Variants in SFT2D2 observed in about 807,000 individuals in gnomAD.
SFT2D2 encodes the protein vesicle transport protein SFT2B.
Under a neutral mutation model 27.4 loss-of-function variants are expected in SFT2D2, and 21 were observed. The ratio of observed to expected loss-of-function variants is 0.77; its 90% CI spans 0.54 to 1.10. The LOEUF is 1.10. Among genes scored for constraint, SFT2D2 ranks in the 50% least tolerant of loss-of-function variants. The pLI is 0.00. For missense variants in SFT2D2, 187 were observed against 194.2 expected (o/e 0.96, Z 0.22); for synonymous variants, 72 against 71.7 (o/e 1.00, Z -0.02).
In SFT2D2 at chr1:168,246,337, G is replaced by T; in HGVS notation, c.*3797G>T. 2.2e-6 allele frequency: 1 copy of T among 462,554 alleles called. No homozygotes were observed. The highest frequency in any genetic ancestry group is 2.1e-5 in the South Asian group (1 of 48,046). The allele number at this position is 462,554 out of a possible 1,614,324, so 28.7% of individuals were successfully genotyped here. Reference sequence around the variant, plus strand: ...AGTTGCTGTTGAAGCAACATATTTTGTCTTCGTAGTTGACATAATCTTACT... The same window carrying T: ...AGTTGCTGTTGAAGCAACATATTTTTTCTTCGTAGTTGACATAATCTTACT... On this transcript the variant is annotated 3_prime_UTR_variant, in exon 8 of 8. Transcript: ENST00000271375.
rs187072052 is a variant in SFT2D2, at chr1:168,227,872, C to G, written c.63+1730C>G. Among the ~76,000 whole-genome samples, 144 of 152,240 alleles carry G rather than the reference C, an allele frequency of 9.5e-4. 1 individual carries two copies. The highest frequency in any genetic ancestry group is 3.4e-3 in the African/African-American group (143 of 41,538). Reference sequence around the variant, plus strand: ...GATATTATTGTCTCGAAAATCATCACGAAGCAGTGGGCTGACCCTCAACAG... The same window carrying G: ...GATATTATTGTCTCGAAAATCATCAGGAAGCAGTGGGCTGACCCTCAACAG... On this transcript the variant is annotated intron_variant, in intron 1 of 7. Transcript: ENST00000271375.
rs569589263 is a variant in SFT2D2 at position 168,252,520 on chromosome 1, T to A, written c.*9980T>A. 2 of 152,328 alleles carry A rather than the reference T, an allele frequency of 1.3e-5. No individual in the cohort carries two copies. Among genetic ancestry groups the A allele is most frequent in the South Asian group, 2.1e-4 (1 of 4,832 alleles). The allele number at this position is 152,328 out of a possible 1,614,324, so 9.4% of individuals were successfully genotyped here. ...AGGGAGAGCTATGGTTTACATTCAA[T>A]TTTTTGGTCTTTCTGCTATGAAACG... On this transcript the variant is annotated 3_prime_UTR_variant, in exon 8 of 8. Coordinates refer to ENST00000271375, the MANE Select transcript of SFT2D2 (RefSeq NM_199344.3).
At chr1:168,240,781 G>T (rs138885600) in intron 7 of SFT2D2, among the ~76,000 whole-genome samples, 1 of 151,954 alleles carries the variant, frequency 6.6e-6, no homozygotes, top group Admixed American at 6.6e-5. Context: ...GCGTGGTGGC[G>T]TGCACCTGTA....
Position 168,235,043 on chromosome 1 carries a change from CAG to C in SFT2D2, c.237-57_237-56del, listed in dbSNP as rs1347550576. 4.8e-6 allele frequency: 7 copies of C among 1,464,016 alleles called. No individual in the cohort carries two copies. The African/African-American group carries it at 9.8e-5, about 20-fold the overall frequency. 90.7% of individuals were successfully genotyped at this position (1,464,016 alleles called of 1,614,324 possible). ...CACAGGAAATCTTGGGGAGGCGACTCAGTGTGCCTAGTGCAGTTCTGTTCTGA... is the reference window on the plus strand; with the variant it reads ...CACAGGAAATCTTGGGGAGGCGACTCTGTGCCTAGTGCAGTTCTGTTCTGA... On this transcript the variant is annotated intron_variant, in intron 3 of 7. Transcript: ENST00000271375.
At chr1:168,231,947 A>G (rs1033622405) in intron 3 of SFT2D2, 28 bp downstream of exon 3, 6 of 1,597,316 alleles carry the variant, frequency 3.8e-6, no homozygotes, top group African/African-American at 1.3e-5. Flanking sequence ...ATCCAATTTT[A>G]GCCAATCATT....
At chr1:168,236,101 CAGAA>C (rs1416063509) in intron 4 of SFT2D2, among the ~76,000 whole-genome samples, 2 of 152,198 alleles carry the variant, frequency 1.3e-5, no homozygotes, top group Non-Finnish European at 2.9e-5. Context: ...AAGTCTCTTG[CAGAA>C]AGAGCTTTCT....
At chr1:168,236,856 G>C (rs1247874296) in intron 6 of SFT2D2, 86 bp downstream of exon 6, 17 of 1,427,766 alleles carry the variant, frequency 1.2e-5, no homozygotes, top group African/African-American at 8.7e-5. Context: ...TTGTGGGTGG[G>C]AGAATTAAGA....
intron 3 of SFT2D2, among the ~76,000 whole-genome samples, chr1:168,234,181 A>G (rs1325427414): frequency 1.3e-5 from 2 of 152,140 alleles, no homozygotes; most frequent in Non-Finnish European, 2.9e-5. Context: ...GCGGATCACG[A>G]GGTCAAGAGA....
rs1407492341 is a variant in SFT2D2, at chr1:168,249,258, T to C, written c.*6718T>C. ...TCTACACACTGCTTTAATTTTGAAA[T>C]GGAGTTTTGCTCAGTTTCCCAGGCT... is the stretch of plus-strand genomic sequence containing the variant. On this transcript the variant is annotated 3_prime_UTR_variant, in exon 8 of 8. Transcript: ENST00000271375. 1 of 152,238 alleles carries C rather than the reference T, an allele frequency of 6.6e-6. No individual in the cohort carries two copies. Among genetic ancestry groups the C allele is most frequent in the Non-Finnish European group, 1.5e-5 (1 of 68,050 alleles). The allele number at this position is 152,238 out of a possible 1,614,324, so 9.4% of individuals were successfully genotyped here. A position where few individuals can be genotyped will look rare whatever the true frequency, so the allele number is the denominator to read the frequency against.
At position 168,246,178 on chromosome 1, in the gene SFT2D2, C is replaced by A. The variant is rs749367646; in HGVS notation, c.*3638C>A. 14 of 248,008 alleles carry A rather than the reference C, an allele frequency of 5.6e-5. No individual in the cohort carries two copies. The highest frequency in any genetic ancestry group is 8.8e-5 in the Non-Finnish European group (11 of 124,356). The allele number at this position is 248,008 out of a possible 1,614,324, so 15.4% of individuals were successfully genotyped here. A position where few individuals can be genotyped will look rare whatever the true frequency, so the allele number is the denominator to read the frequency against. On this transcript the variant is annotated 3_prime_UTR_variant, in exon 8 of 8. Coordinates refer to ENST00000271375, the MANE Select transcript of SFT2D2 (RefSeq NM_199344.3). ...CTTTCAAATGATTAACTTTATTGAT[C>A]ATCCTCTTGTTCTTCTAGCAAAAGA...
chr1:168,226,749 C>T (rs939068703), intron 1 of SFT2D2, among the ~76,000 whole-genome samples: 1 of 152,212 alleles, frequency 6.6e-6, no homozygotes, highest in Admixed American at 6.5e-5. Context: ...TCCACACTGC[C>T]CACAACTAGT....
At chr1:168,233,571 A>G (rs1252634246) in intron 3 of SFT2D2, among the ~76,000 whole-genome samples, 1 of 152,214 alleles carries the variant, frequency 6.6e-6, no homozygotes, top group Non-Finnish European at 1.5e-5. Flanking sequence ...ATTAGTGCTT[A>G]TGACAGTAAA....
intron 7 of SFT2D2, among the ~76,000 whole-genome samples, chr1:168,241,695 T>C (rs1471903785): frequency 2.0e-5 from 3 of 152,208 alleles, no homozygotes; most frequent in Admixed American, 2.0e-4. Context: ...GGGGGACTTA[T>C]GTGGCCATAA....
intron 1 of SFT2D2, among the ~76,000 whole-genome samples, chr1:168,226,470 G>C (rs1367466589): frequency 6.6e-6 from 1 of 152,196 alleles, no homozygotes; most frequent in Non-Finnish European, 1.5e-5. Flanking sequence ...TGCGCTTTAG[G>C]GCCGGGTAGG....
chr1:168,227,306 A>T (rs1388300732), intron 1 of SFT2D2, among the ~76,000 whole-genome samples: 1 of 152,196 alleles, frequency 6.6e-6, no homozygotes, highest in African/African-American at 2.4e-5. Context: ...TGAAATGAGG[A>T]TGTTAAGATG....
At chr1:168,237,557 T>C (rs763806615) in intron 6 of SFT2D2, among the ~76,000 whole-genome samples, 2 of 152,196 alleles carry the variant, frequency 1.3e-5, no homozygotes, top group Non-Finnish European at 2.9e-5. Context: ...CAGAACAGTT[T>C]CAGTATAGAT....
chr1:168,242,283 TC>T (rs2102334001), intron 7 of SFT2D2, among the ~76,000 whole-genome samples: 1 of 152,302 alleles, frequency 6.6e-6, no homozygotes, highest in East Asian at 1.9e-4. Flanking sequence ...AGTGGGGACA[TC>T]CCCTCTTACA....
Position 168,251,861 on chromosome 1 carries a change from A to C in SFT2D2, c.*9321A>C, listed in dbSNP as rs1647959761. The stretch of plus-strand genomic sequence containing the variant: ...AGATATAACAAAACCTAGACATCTA[A>C]ATTTTTTGGAAATTTTTATTTTAAA... On this transcript the variant is annotated 3_prime_UTR_variant, in exon 8 of 8. Coordinates refer to ENST00000271375, the MANE Select transcript of SFT2D2 (RefSeq NM_199344.3). 6.6e-6 allele frequency: 1 copy of C among 152,128 alleles called. No individual in the cohort carries two copies. Among genetic ancestry groups the C allele is most frequent in the Non-Finnish European group, 1.5e-5 (1 of 68,004 alleles). The allele number at this position is 152,128 out of a possible 1,614,324, so 9.4% of individuals were successfully genotyped here.
At chr1:168,239,439 C>A (rs1322461480) in intron 7 of SFT2D2, among the ~76,000 whole-genome samples, 1 of 151,138 alleles carries the variant, frequency 6.6e-6, no homozygotes, top group African/African-American at 2.4e-5. Context: ...ACTCTTTTAA[C>A]CCGTAGCTTT....
Sources: gnomAD v4.1 joint callset for allele counts (sites outside exome capture counted in the v4.1 genomes callset) on GRCh38, gnomAD v4.1.1 for gene constraint, MANE v1.5 for transcripts, NCBI Gene and HGNC (gene_info 2026-07-23, HGNC 2026-07-21) for gene names.